Variants in NBEAL1 observed in about 807,000 individuals in gnomAD.
NBEAL1 encodes neurobeachin-like protein 1.
In NBEAL1, 273 loss-of-function variants were observed where a neutral mutation model predicts 351.3. The observed-to-expected ratio is 0.78, with a 90% CI of 0.70 to 0.86. The LOEUF (loss-of-function observed/expected upper bound fraction) is 0.86, where lower values mean the gene tolerates loss of function less well. NBEAL1 is among the 40% of genes least tolerant of loss of function. NBEAL1 has a pLI of 0.00. For synonymous variants in NBEAL1, 1,050 were observed against 1,086.4 expected (o/e 0.97, Z 0.66); for missense variants, 2,961 against 3,201.3 (o/e 0.92, Z 1.81).
rs1000003364 is a variant in NBEAL1, at chr2:203,218,113, C to T, written c.*759C>T. 22 of 223,798 alleles carry T rather than the reference C, an allele frequency of 9.8e-5. No individual in the cohort carries two copies. The highest frequency in any genetic ancestry group is 5.1e-4 in the African/African-American group (22 of 42,738). The allele number at this position is 223,798 out of a possible 1,614,324, so 13.9% of individuals were successfully genotyped here. On this transcript the variant is annotated 3_prime_UTR_variant, in exon 56 of 56. Coordinates refer to ENST00000683969, the MANE Select transcript of NBEAL1 (RefSeq NM_001378026.1). Reference sequence around the variant, plus strand: ...AGCACAATTTGCATTTGCAAAGTTCCGAATTTCTTGACTCTTTCTTCACTA... The same window carrying T: ...AGCACAATTTGCATTTGCAAAGTTCTGAATTTCTTGACTCTTTCTTCACTA...
rs1055016928 is a variant in NBEAL1, at chr2:203,014,901, TG to T, written c.-310del. On this transcript the variant is annotated 5_prime_UTR_variant, in exon 1 of 56. Transcript: ENST00000683969. ...CCCGCTCGTCTGCCTGGCTGCGGGG[TG>T]ACACGGGGCTTCGCCTTGGGAAGGG... 22 of 152,348 alleles carry T rather than the reference TG, an allele frequency of 1.4e-4. No individual in the cohort carries two copies. The highest frequency in any genetic ancestry group is 5.1e-4 in the African/African-American group (21 of 41,418). The allele number at this position is 152,348 out of a possible 1,614,324, so 9.4% of individuals were successfully genotyped here. A position where few individuals can be genotyped will look rare whatever the true frequency, so the allele number is the denominator to read the frequency against.
chr2:203,129,079 T>C (rs1183518348), intron 24 of NBEAL1, among the ~76,000 whole-genome samples: 1 of 152,218 alleles, frequency 6.6e-6, no homozygotes, highest in African/African-American at 2.4e-5. Context: ...GCAGATATAC[T>C]ACTGATTCAA....
At position 203,126,726 on chromosome 2, in the gene NBEAL1, G is replaced by A. The variant is rs1395981368; in HGVS notation, c.3145+10G>A. 1 of 1,513,064 alleles carries A rather than the reference G, an allele frequency of 6.6e-7. No individual in the cohort carries two copies. The highest frequency in any genetic ancestry group is 8.8e-7 in the Non-Finnish European group (1 of 1,131,076). The allele number at this position is 1,513,064 out of a possible 1,614,324, so 93.7% of individuals were successfully genotyped here. ...TTTCCCTTTCGAATCGGTGAGAGCA[G>A]GCTTTCAGATAAACATTTTATAGTT... On this transcript the variant is annotated intron_variant, in intron 22 of 55. Coordinates refer to ENST00000683969, the MANE Select transcript of NBEAL1 (RefSeq NM_001378026.1).
chr2:203,126,644 C>A lies in NBEAL1; in HGVS notation c.3073C>A (p.Leu1025Met). 6.5e-7 allele frequency: 1 copy of A among 1,530,042 alleles called. No individual in the cohort carries two copies. The highest frequency in any genetic ancestry group is 2.4e-5 in the East Asian group (1 of 41,952). The allele number at this position is 1,530,042 out of a possible 1,614,324, so 94.8% of individuals were successfully genotyped here. Reference protein sequence around the residue: ...QVSLEKNMQLLQQMYQYLLFD... With the variant: ...QVSLEKNMQLMQQMYQYLLFD... The stretch of plus-strand genomic sequence containing the variant: ...ATCATTAGAGAAAAATATGCAGCTC[C>A]TGCAACAAATGTATCAATATTTACT... The change falls in exon 22 of 56, where the codon CTG becomes ATG. Residue 1025 changes from leucine (L) to methionine (M), a missense_variant. By Grantham distance (15) the Leu-to-Met change is conservative (BLOSUM62 2). Coordinates refer to ENST00000683969, the MANE Select transcript of NBEAL1 (RefSeq NM_001378026.1).
chr2:203,071,273 T>C (rs2061677814), intron 7 of NBEAL1, among the ~76,000 whole-genome samples: 1 of 152,160 alleles, frequency 6.6e-6, no homozygotes, highest in Admixed American at 6.5e-5. Flanking sequence ...CAGGGTTTAT[T>C]TTCTGTTGAG....
rs955806633 is a variant in NBEAL1, at chr2:203,107,384, A to G, written c.1270-36A>G. 10 of 1,065,470 alleles carry G rather than the reference A, an allele frequency of 9.4e-6. No individual in the cohort carries two copies. In the Admixed American group the frequency reaches 2.0e-4, roughly 21 times the overall value. 66.0% of individuals were successfully genotyped at this position (1,065,470 alleles called of 1,614,324 possible). A position where few individuals can be genotyped will look rare whatever the true frequency, so the allele number is the denominator to read the frequency against. On this transcript the variant is annotated intron_variant, in intron 12 of 55. Transcript: ENST00000683969. The stretch of plus-strand genomic sequence containing the variant: ...ATATTCCAACATATTCAGTCTTTGA[A>G]AATGTACTTTGATATATTGTCTTCC...
At position 203,131,397 on chromosome 2, in the gene NBEAL1, G is replaced by A. The variant is rs186308614; in HGVS notation, c.3565-576G>A. On this transcript the variant is annotated intron_variant, in intron 25 of 55. Transcript: ENST00000683969. ...CACCTGGCTAATTTTTGTATTTTTA[G>A]TAGAGACAGGGTTTCACTATGTTGG... is the stretch of plus-strand genomic sequence containing the variant. Among the ~76,000 whole-genome samples the A allele has an allele frequency of 7.1e-3, 1,085 of 152,156 alleles. 12 individuals are homozygous for A. Among genetic ancestry groups the A allele is most frequent in the Non-Finnish European group, 0.012 (798 of 67,992 alleles).
intron 18 of NBEAL1, among the ~76,000 whole-genome samples, chr2:203,117,799 C>G (rs1001671295): frequency 2.6e-5 from 4 of 151,678 alleles, no homozygotes; most frequent in African/African-American, 9.7e-5. Context: ...CTCCCACCTT[C>G]AGTCTCCGGA....
intron 12 of NBEAL1, among the ~76,000 whole-genome samples, chr2:203,102,907 A>T (rs1033111392): frequency 6.6e-6 from 1 of 152,100 alleles, no homozygotes; most frequent in Non-Finnish European, 1.5e-5. Flanking sequence ...TATGTATCTG[A>T]TAGAATTTGG....
chr2:203,033,888 T>G (rs1231552619), intron 2 of NBEAL1, among the ~76,000 whole-genome samples: 1 of 152,146 alleles, frequency 6.6e-6, no homozygotes, highest in African/African-American at 2.4e-5. Context: ...CCCCCGACCC[T>G]CCCTGAGAGT....
At chr2:203,212,937 G>GC (rs2065826537) in intron 54 of NBEAL1, among the ~76,000 whole-genome samples, 1 of 152,128 alleles carries the variant, frequency 6.6e-6, no homozygotes, top group African/African-American at 2.4e-5. Flanking sequence ...TAGAACAAAT[G>GC]CCCACTGAGA....
chr2:203,147,744 GT>G (rs1163147439), intron 33 of NBEAL1, among the ~76,000 whole-genome samples: 1 of 151,764 alleles, frequency 6.6e-6, no homozygotes, highest in Non-Finnish European at 1.5e-5. Flanking sequence ...TCATTTACTA[GT>G]TTTTTTCTTT....
chr2:203,025,071 G>A (rs568525195), intron 2 of NBEAL1, among the ~76,000 whole-genome samples: 2 of 152,246 alleles, frequency 1.3e-5, no homozygotes, highest in South Asian at 4.1e-4. Flanking sequence ...ACCTGGCCAA[G>A]GACCTTTATT....
intron 11 of NBEAL1, among the ~76,000 whole-genome samples, chr2:203,098,942 G>T (rs2062244734): frequency 6.6e-6 from 1 of 152,094 alleles, no homozygotes; most frequent in Non-Finnish European, 1.5e-5. Context: ...ATTTAAACCT[G>T]GATGGTTCAA....
intron 15 of NBEAL1, 116 bp from the exon 16 acceptor site, chr2:203,111,863 G>A (rs961861309): frequency 2.2e-5 from 26 of 1,180,164 alleles, no homozygotes; most frequent in South Asian, 1.1e-4. Flanking sequence ...TAACATTTAC[G>A]TTTAATCTTA....
intron 47 of NBEAL1, among the ~76,000 whole-genome samples, chr2:203,196,836 C>G (rs982833359): frequency 1.3e-5 from 2 of 152,098 alleles, no homozygotes; most frequent in African/African-American, 4.8e-5. Context: ...TTTTCTGGTC[C>G]TACTGTGGCT....
At chr2:203,125,086 A>G (rs918029394) in intron 19 of NBEAL1, among the ~76,000 whole-genome samples, 5 of 152,014 alleles carry the variant, frequency 3.3e-5, no homozygotes, top group African/African-American at 1.2e-4. Flanking sequence ...GCTATGTTTC[A>G]TTTGCCTATG....
In NBEAL1 at chr2:203,057,410, A is replaced by G. The variant is rs1209887431; in HGVS notation, c.472A>G (p.Ser158Gly). 6 of 1,552,778 alleles carry G rather than the reference A, an allele frequency of 3.9e-6. No homozygotes were observed. The highest frequency in any genetic ancestry group is 5.2e-6 in the Non-Finnish European group (6 of 1,146,716). Residue 158 changes from serine to glycine, a missense_variant, in exon 6 of 56, where the codon AGC becomes GGC. Transcript: ENST00000683969. The part of the protein sequence containing the change: ...FVIHALAFCE[S>G]LYDPYRNWRH... ...GATCCACGCATTGGCATTTTGTGAA[A>G]GCTTATATGATCCATATCGGAATTG...
intron 2 of NBEAL1, among the ~76,000 whole-genome samples, chr2:203,017,038 T>A (rs1405835651): frequency 6.6e-6 from 1 of 152,226 alleles, no homozygotes; most frequent in Non-Finnish European, 1.5e-5. Flanking sequence ...CTCAAGTGCG[T>A]ACTTTTATCC....
Sources: gnomAD v4.1 joint callset for allele counts (sites outside exome capture counted in the v4.1 genomes callset) on GRCh38, gnomAD v4.1.1 for gene constraint, MANE v1.5 for transcripts, NCBI Gene and HGNC (gene_info 2026-07-23, HGNC 2026-07-21) for gene names.